GRAMD1B: variants seen among roughly 807,000 people sequenced by gnomAD.
GRAMD1B encodes the protein protein Aster-B.
Under a neutral mutation model 99.7 loss-of-function variants are expected in GRAMD1B, and 37 were observed. That is an observed-to-expected ratio of 0.37 (90% CI 0.29 to 0.49). The LOEUF (loss-of-function observed/expected upper bound fraction) is 0.49, where lower values mean the gene tolerates loss of function less well. GRAMD1B is among the 20% of genes least tolerant of loss of function. The pLI, the probability that GRAMD1B is intolerant of heterozygous loss-of-function variation, is 0.98. For missense variants in GRAMD1B, 888 were observed against 1,009.2 expected (o/e 0.88, Z 1.63); for synonymous variants, 427 against 387.6 (o/e 1.10, Z -1.19).
intron 1 of GRAMD1B, among the ~76,000 whole-genome samples, chr11:123,404,667 C>G (rs1947791430): frequency 6.6e-6 from 1 of 152,208 alleles, no homozygotes; most frequent in Admixed American, 6.5e-5. Context: ...AACCCCAGAC[C>G]TGGAACTCTA....
intron 2 of GRAMD1B, among the ~76,000 whole-genome samples, chr11:123,505,306 AT>A (rs1478307380): frequency 2.6e-5 from 4 of 151,978 alleles, no homozygotes; most frequent in Admixed American, 1.3e-4. Flanking sequence ...TGCTGGGATT[AT>A]AGACGCGAGC....
chr11:123,618,018 C>T (rs572152333), intron 17 of GRAMD1B, among the ~76,000 whole-genome samples: 1 of 152,298 alleles, frequency 6.6e-6, no homozygotes, highest in South Asian at 2.1e-4. Context: ...GTTCTGCTAA[C>T]ATCTGTAAGA....
intron 1 of GRAMD1B, among the ~76,000 whole-genome samples, chr11:123,376,414 C>T (rs56996228): frequency 0.16 from 24,906 of 152,134 alleles, 2,173 homozygotes; most frequent in African/African-American, 0.22. Context: ...AGGTGTACTG[C>T]CTCTTCTCCG....
At chr11:123,578,777 G>A (rs1949019619) in intron 3 of GRAMD1B, among the ~76,000 whole-genome samples, 2 of 152,174 alleles carry the variant, frequency 1.3e-5, no homozygotes, top group Admixed American at 6.5e-5. Flanking sequence ...TTCCTTTGGG[G>A]CAGGAGACCC....
intron 2 of GRAMD1B, chr11:123,560,711 TG>T (rs1429314293): frequency 8.8e-6 from 4 of 453,900 alleles, no homozygotes; most frequent in African/African-American, 8.0e-5. Flanking sequence ...TGTGTGTGTG[TG>T]TGTGTGTGTG....
intron 1 of GRAMD1B, among the ~76,000 whole-genome samples, chr11:123,385,237 T>A (rs1208202029): frequency 2.6e-5 from 4 of 152,190 alleles, no homozygotes; most frequent in African/African-American, 9.7e-5. Flanking sequence ...ATGACCCCAT[T>A]CTGACCATTT....
At position 123,430,894 on chromosome 11, in the gene GRAMD1B, G is replaced by T. The variant is rs1281547195; in HGVS notation, c.102G>T (p.Ser34=). ...PEGSPVWSSS[S]TPTLRRRRFK... ...GCAGCCCGGTCTGGTCCAGTTCGTCGACCCCCACGCTTCGCCGCCGGCGCT... is the reference window on the plus strand; with the variant it reads ...GCAGCCCGGTCTGGTCCAGTTCGTCTACCCCCACGCTTCGCCGCCGGCGCT... Residue 34 remains serine, a synonymous_variant, in exon 1 of 20, where the codon TCG becomes TCT. Transcript: ENST00000635736. 2.8e-6 allele frequency: 2 copies of T among 702,430 alleles called. No individual in the cohort carries two copies. The highest frequency in any genetic ancestry group is 1.7e-5 in the African/African-American group (1 of 57,232). 43.5% of individuals were successfully genotyped at this position (702,430 alleles called of 1,614,324 possible). A position where few individuals can be genotyped will look rare whatever the true frequency, so the allele number is the denominator to read the frequency against.
Position 123,378,024 on chromosome 11 carries a change from A to C in GRAMD1B, c.-176+19225A>C, listed in dbSNP as rs187284291. Among the ~76,000 whole-genome samples the C allele has an allele frequency of 2.6e-5, 4 of 152,308 alleles. No homozygotes were observed. The East Asian group carries it at 5.8e-4, about 22-fold the overall frequency. ...TTAGCATAGGTATATTTCTGTGTCC[A>C]CAGGTACAAAGCCAAGGACCTATGT... On this transcript the variant is annotated intron_variant, in intron 1 of 20. Transcript: ENST00000638157.
At chr11:123,504,792 A>T (rs1011226191) in intron 2 of GRAMD1B, among the ~76,000 whole-genome samples, 14 of 152,102 alleles carry the variant, frequency 9.2e-5, no homozygotes, top group Middle Eastern at 6.8e-3. Context: ...AGCGATTCTC[A>T]TACCTCAGCC....
At chr11:123,512,442 G>C (rs1005429514) in intron 2 of GRAMD1B, among the ~76,000 whole-genome samples, 3 of 152,248 alleles carry the variant, frequency 2.0e-5, no homozygotes, top group African/African-American at 7.2e-5. Flanking sequence ...TATGGAGGCA[G>C]AAACAGCCTG....
At chr11:123,467,805 T>C (rs1345953882) in intron 1 of GRAMD1B, among the ~76,000 whole-genome samples, 1 of 144,088 alleles carries the variant, frequency 6.9e-6, no homozygotes, top group African/African-American at 2.6e-5. Flanking sequence ...TTCCTTCTTT[T>C]TCTTTCTTTT....
Position 123,547,473 on chromosome 11 carries a change from A to G in GRAMD1B, c.453-29894A>G, listed in dbSNP as rs190601698. On this transcript the variant is annotated intron_variant, in intron 2 of 19. Coordinates refer to ENST00000635736, the MANE Select transcript of GRAMD1B (RefSeq NM_001387025.1). ...TCTCTTGACTAGGAACTCACCTCCT[A>G]TGCACTAGCCTCTTGCAATGTTTGT... 2.6e-3 allele frequency among the ~76,000 whole-genome samples: 390 copies of G among 152,294 alleles called. 1 individual carries two copies. The highest frequency in any genetic ancestry group is 9.0e-3 in the African/African-American group (372 of 41,562).
chr11:123,451,798 C>G (rs142694543), intron 1 of GRAMD1B, among the ~76,000 whole-genome samples: 12 of 151,804 alleles, frequency 7.9e-5, no homozygotes, highest in Non-Finnish European at 1.3e-4. Flanking sequence ...AAGATGTAGT[C>G]TAGTTTATTT....
intron 1 of GRAMD1B, among the ~76,000 whole-genome samples, chr11:123,388,921 G>T (rs1040350577): frequency 6.6e-6 from 1 of 152,074 alleles, no homozygotes. Context: ...ACAGCATCTC[G>T]AACAGACCAA....
At chr11:123,619,561 T>C in intron 19 of GRAMD1B, 11 of 1,176,936 alleles carry the variant, frequency 9.3e-6, no homozygotes, top group Non-Finnish European at 1.1e-5. Flanking sequence ...CCTCAGCCCT[T>C]TTACAGAGAT....
At chr11:123,421,002 A>G (rs1948414604) in intron 1 of GRAMD1B, among the ~76,000 whole-genome samples, 1 of 152,258 alleles carries the variant, frequency 6.6e-6, no homozygotes. Context: ...CATGTGGTTC[A>G]GGTCCTAGGT....
chr11:123,426,519 C>A (rs1226285174), upstream of GRAMD1B, among the ~76,000 whole-genome samples: 1 of 152,216 alleles, frequency 6.6e-6, no homozygotes, highest in African/African-American at 2.4e-5. Context: ...TTTCCAGCTT[C>A]CCTGCCAGCC....
chr11:123,498,630 A>T (rs539138189), intron 2 of GRAMD1B, among the ~76,000 whole-genome samples: 155 of 152,232 alleles, frequency 1.0e-3, no homozygotes, highest in African/African-American at 3.5e-3. Flanking sequence ...GCTGTGTCCT[A>T]TCTAATATTT....
chr11:123,582,200 C>T (rs1261431101), intron 3 of GRAMD1B, among the ~76,000 whole-genome samples: 1 of 152,224 alleles, frequency 6.6e-6, no homozygotes, highest in Non-Finnish European at 1.5e-5. Context: ...AGCCTCTTGC[C>T]CTGTGGGCTT....
Sources: gnomAD v4.1 joint callset for allele counts (sites outside exome capture counted in the v4.1 genomes callset) on GRCh38, gnomAD v4.1.1 for gene constraint, MANE v1.5 for transcripts, NCBI Gene and HGNC (gene_info 2026-07-23, HGNC 2026-07-21) for gene names.